GRID2: variants seen among roughly 807,000 people sequenced by gnomAD.
GRID2 encodes the protein glutamate ionotropic receptor delta type subunit 2.
A neutral mutation model predicts 114.8 loss-of-function variants in GRID2; 33 were observed. The ratio of observed to expected loss-of-function variants is 0.29; its 90% CI spans 0.22 to 0.38. The LOEUF is 0.38. Among genes scored for constraint, GRID2 ranks in the 10% least tolerant of loss-of-function variants. The pLI is 1.00. For missense variants in GRID2, 1,184 were observed against 1,257.7 expected, an observed-to-expected ratio of 0.94 and a Z score of 0.89; for synonymous variants, 505 against 449.9, an observed-to-expected ratio of 1.12 and a Z score of -1.55.
At chr4:92,983,758 CCTCTT>C (rs1304527985) in intron 2 of GRID2, among the ~76,000 whole-genome samples, 1 of 152,070 alleles carries the variant, frequency 6.6e-6, no homozygotes, top group Non-Finnish European at 1.5e-5. Context: ...TTATTTGCCT[CCTCTT>C]CTAACTCCAA....
At chr4:93,218,911 A>G (rs10428327) in intron 6 of GRID2, among the ~76,000 whole-genome samples, 1,632 of 152,262 alleles carry the variant, frequency 0.011, 20 homozygotes, top group African/African-American at 0.036. Flanking sequence ...TTATAAAACC[A>G]TCAGATCTTG....
chr4:92,650,059 G>C (rs147517212), intron 2 of GRID2, among the ~76,000 whole-genome samples: 1 of 151,980 alleles, frequency 6.6e-6, no homozygotes, highest in East Asian at 1.9e-4. Flanking sequence ...TCATAAGCTG[G>C]GGACTGTATG....
intron 9 of GRID2, among the ~76,000 whole-genome samples, chr4:93,417,344 T>C (rs944840050): frequency 6.6e-6 from 1 of 152,160 alleles, no homozygotes; most frequent in Admixed American, 6.6e-5. Context: ...GTCAAGTAAA[T>C]AGCAGACACT....
intron 4 of GRID2, among the ~76,000 whole-genome samples, chr4:93,197,422 ATAAT>A (rs760967068): frequency 3.9e-5 from 6 of 152,282 alleles, no homozygotes; most frequent in Non-Finnish European, 7.4e-5. Flanking sequence ...GGATGTTGTG[ATAAT>A]TAAATGAGTT....
intron 8 of GRID2, among the ~76,000 whole-genome samples, chr4:93,260,874 A>C (rs902268260): frequency 2.6e-5 from 4 of 151,848 alleles, no homozygotes; most frequent in African/African-American, 9.7e-5. Context: ...AGAGATCTTT[A>C]TTACATTCAA....
chr4:92,994,839 A>C (rs1283973655), intron 2 of GRID2, among the ~76,000 whole-genome samples: 1 of 152,186 alleles, frequency 6.6e-6, no homozygotes, highest in Non-Finnish European at 1.5e-5. Flanking sequence ...TGTGGTGAGA[A>C]CCTGGTGAAT....
intron 6 of GRID2, among the ~76,000 whole-genome samples, chr4:93,223,594 G>A (rs1298464682): frequency 6.6e-6 from 1 of 152,076 alleles, no homozygotes; most frequent in Non-Finnish European, 1.5e-5. Context: ...AGGAAAAACC[G>A]TGATAACAAT....
chr4:93,663,180 T>C (rs1303132695), intron 14 of GRID2, among the ~76,000 whole-genome samples: 1 of 152,244 alleles, frequency 6.6e-6, no homozygotes, highest in Non-Finnish European at 1.5e-5. Context: ...GCCTTGCCAA[T>C]TGAGGAATGC....
intron 2 of GRID2, among the ~76,000 whole-genome samples, chr4:92,867,055 A>G (rs1325125665): frequency 1.3e-5 from 2 of 152,180 alleles, no homozygotes; most frequent in Non-Finnish European, 2.9e-5. Flanking sequence ...AGTAGTTTAA[A>G]TGATTTTTAT....
At chr4:93,038,599 G>A (rs1027701197) in intron 2 of GRID2, among the ~76,000 whole-genome samples, 7 of 152,082 alleles carry the variant, frequency 4.6e-5, no homozygotes, top group African/African-American at 1.7e-4. Flanking sequence ...GACCATCCTG[G>A]CTAACATGGT....
chr4:92,454,701 T>A (rs1721116729), intron 1 of GRID2, among the ~76,000 whole-genome samples: 1 of 152,172 alleles, frequency 6.6e-6, no homozygotes, highest in African/African-American at 2.4e-5. Flanking sequence ...CCGGGCGTGT[T>A]GGCAGGCGCC....
intron 2 of GRID2, among the ~76,000 whole-genome samples, chr4:92,963,492 C>A (rs999638087): frequency 6.6e-6 from 1 of 151,980 alleles, no homozygotes; most frequent in South Asian, 2.1e-4. Context: ...TAAGAAGCAA[C>A]TCCTCATTAT....
intron 2 of GRID2, among the ~76,000 whole-genome samples, chr4:92,783,443 G>T (rs1414942245): frequency 1.3e-5 from 2 of 151,926 alleles, no homozygotes; most frequent in African/African-American, 4.8e-5. Context: ...CGTAATAGAG[G>T]TCATTAAAAT....
At chr4:93,079,116 A>G (rs1729624489) in intron 2 of GRID2, among the ~76,000 whole-genome samples, 1 of 151,520 alleles carries the variant, frequency 6.6e-6, no homozygotes, top group South Asian at 2.1e-4. Context: ...TGTATGTGAA[A>G]CCATTTTTTA....
intron 13 of GRID2, among the ~76,000 whole-genome samples, chr4:93,616,032 T>C (rs979190233): frequency 2.0e-5 from 3 of 152,210 alleles, no homozygotes; most frequent in Non-Finnish European, 4.4e-5. Flanking sequence ...TTTTAGCCAT[T>C]CATAGTCATC....
intron 2 of GRID2, among the ~76,000 whole-genome samples, chr4:92,933,360 C>T (rs1461535391): frequency 1.3e-5 from 2 of 151,256 alleles, no homozygotes; most frequent in African/African-American, 4.8e-5. Flanking sequence ...TAATATGTTC[C>T]AATCCATATT....
At chr4:93,197,664 A>C (rs562451606) in intron 4 of GRID2, among the ~76,000 whole-genome samples, 1 of 152,276 alleles carries the variant, frequency 6.6e-6, no homozygotes. Context: ...CAGATGCTTT[A>C]GATACATTTA....
At chr4:92,445,397 C>A (rs1357023214) in intron 1 of GRID2, among the ~76,000 whole-genome samples, 1 of 152,162 alleles carries the variant, frequency 6.6e-6, no homozygotes, top group East Asian at 1.9e-4. Context: ...AGTGAAGGTT[C>A]AAGGCTTTTG....
At chr4:93,543,523 A>T (rs561357499) in intron 13 of GRID2, among the ~76,000 whole-genome samples, 6 of 152,320 alleles carry the variant, frequency 3.9e-5, no homozygotes, top group Admixed American at 3.3e-4. Context: ...AGCATGAATG[A>T]GTGAAAATAA....
Sources: allele counts gnomAD v4.1 joint callset (sites outside exome capture counted in the v4.1 genomes callset), GRCh38; gene constraint gnomAD v4.1.1; transcripts MANE v1.5; gene names NCBI Gene and HGNC (gene_info 2026-07-23, HGNC 2026-07-21).